ADGRG7: variants seen among roughly 807,000 people sequenced by gnomAD.
The protein encoded by ADGRG7 is adhesion G protein-coupled receptor G7.
In ADGRG7, 82 loss-of-function variants were observed where a neutral mutation model predicts 88.6. The ratio of observed to expected loss-of-function variants is 0.93; its 90% CI spans 0.77 to 1.11. The LOEUF (loss-of-function observed/expected upper bound fraction) is 1.11. Among genes scored for constraint, ADGRG7 ranks in the 50% most tolerant of loss-of-function variants. ADGRG7 has a pLI of 0.00. For missense variants in ADGRG7, 945 were observed against 953.4 expected, an observed-to-expected ratio of 0.99 and a Z score of 0.12; for synonymous variants, 381 against 345.2, an observed-to-expected ratio of 1.10 and a Z score of -1.15.
chr3:100,645,545 G>A (rs1707729074), intron 8 of ADGRG7, among the ~76,000 whole-genome samples: 2 of 152,278 alleles, frequency 1.3e-5, no homozygotes, highest in South Asian at 2.1e-4. Context: ...GCTATTTCCT[G>A]TCTCATATTT....
At chr3:100,675,525 C>T (rs540550950) in intron 15 of ADGRG7, among the ~76,000 whole-genome samples, 1 of 152,174 alleles carries the variant, frequency 6.6e-6, no homozygotes, top group African/African-American at 2.4e-5. Context: ...TTTGCATCAA[C>T]GTTCATCAGA....
At chr3:100,687,608 G>C (rs2094985055) in intron 15 of ADGRG7, among the ~76,000 whole-genome samples, 2 of 152,104 alleles carry the variant, frequency 1.3e-5, no homozygotes, top group South Asian at 4.1e-4. Context: ...TTTTGTCAAA[G>C]GCCTTTTCTG....
intron 5 of ADGRG7, 91 bp downstream of exon 5, chr3:100,635,917 T>A: frequency 1.1e-6 from 1 of 903,532 alleles, no homozygotes. Flanking sequence ...TACCACTCCT[T>A]ATTCCACAAT....
At chr3:100,690,677 A>T (rs2094991817) in intron 15 of ADGRG7, among the ~76,000 whole-genome samples, 3 of 152,166 alleles carry the variant, frequency 2.0e-5, no homozygotes, top group African/African-American at 4.8e-5. Context: ...TGGCTGCAGA[A>T]CAGTGGATAT....
chr3:100,684,143 G>A (rs2149041143), intron 15 of ADGRG7, among the ~76,000 whole-genome samples: 1 of 151,854 alleles, frequency 6.6e-6, no homozygotes, highest in South Asian at 2.1e-4. Flanking sequence ...ATTTATTTAT[G>A]CTAATTCTTT....
chr3:100,676,003 CTTAG>C (rs1331460736), intron 15 of ADGRG7, among the ~76,000 whole-genome samples: 1 of 151,476 alleles, frequency 6.6e-6, no homozygotes, highest in African/African-American at 2.4e-5. Context: ...CTCTTTTTTT[CTTAG>C]TTAATCTGAC....
chr3:100,678,913 C>G (rs892187672), intron 15 of ADGRG7, among the ~76,000 whole-genome samples: 5 of 152,198 alleles, frequency 3.3e-5, no homozygotes, highest in Non-Finnish European at 7.3e-5. Flanking sequence ...GAACTACAGC[C>G]AGAACAGCAC....
In ADGRG7 at chr3:100,640,845, T is replaced by C. The variant is rs545085559; in HGVS notation, c.699-2421T>C. 8.5e-5 allele frequency among the ~76,000 whole-genome samples: 13 copies of C among 152,268 alleles called. No homozygotes were observed. The South Asian group carries it at 2.7e-3, about 32-fold the overall frequency. On this transcript the variant is annotated intron_variant, in intron 6 of 15. Transcript: ENST00000273352. Reference sequence around the variant, plus strand: ...CTGACCTCACCATTGTAGACATTGCTTGCATAGTCTGATCTGTAACCTTAG... The same window carrying C: ...CTGACCTCACCATTGTAGACATTGCCTGCATAGTCTGATCTGTAACCTTAG...
chr3:100,656,037 A>C (rs781042402), intron 13 of ADGRG7, 42 bp downstream of exon 13: 2 of 1,224,566 alleles, frequency 1.6e-6, no homozygotes, highest in Non-Finnish European at 2.4e-6. Context: ...TTTGACCTAA[A>C]AGTGTAACTG....
At chr3:100,611,883 T>C (rs1023152472) in intron 1 of ADGRG7, among the ~76,000 whole-genome samples, 1 of 152,350 alleles carries the variant, frequency 6.6e-6, no homozygotes, top group Non-Finnish European at 1.5e-5. Flanking sequence ...ACTCCACTTC[T>C]TTTTATCCTA....
At chr3:100,691,309 T>C (rs1280447941) in intron 15 of ADGRG7, among the ~76,000 whole-genome samples, 1 of 152,174 alleles carries the variant, frequency 6.6e-6, no homozygotes. Flanking sequence ...CCCTTGTGCT[T>C]CCCGGGTGAG....
chr3:100,657,160 A>G (rs1395126866), intron 13 of ADGRG7, among the ~76,000 whole-genome samples: 2 of 152,184 alleles, frequency 1.3e-5, no homozygotes, highest in African/African-American at 4.8e-5. Context: ...GATACGAGGC[A>G]ACTGATAATA....
At chr3:100,689,323 C>T (rs1485855558) in intron 15 of ADGRG7, among the ~76,000 whole-genome samples, 3 of 152,142 alleles carry the variant, frequency 2.0e-5, no homozygotes, top group African/African-American at 7.2e-5. Context: ...GGTCTTGACT[C>T]TTTATCCAAT....
intron 14 of ADGRG7, among the ~76,000 whole-genome samples, chr3:100,663,134 G>A (rs1307735188): frequency 6.6e-6 from 1 of 152,046 alleles, no homozygotes; most frequent in African/African-American, 2.4e-5. Context: ...AAGAGAGTAG[G>A]GGAACTAAGG....
intron 6 of ADGRG7, among the ~76,000 whole-genome samples, chr3:100,638,435 C>T (rs780937108): frequency 1.4e-4 from 22 of 152,162 alleles, no homozygotes; most frequent in Non-Finnish European, 2.6e-4. Flanking sequence ...ACACCTCTTC[C>T]TGACATCCAG....
At chr3:100,692,708 T>C (rs2094995979) in intron 15 of ADGRG7, among the ~76,000 whole-genome samples, 2 of 152,116 alleles carry the variant, frequency 1.3e-5, no homozygotes, top group Non-Finnish European at 2.9e-5. Flanking sequence ...GTATGCAAAA[T>C]ATAAAATGGA....
chr3:100,659,936 A>G (rs1385219720), intron 14 of ADGRG7, 93 bp downstream of exon 14: 5 of 1,233,994 alleles, frequency 4.1e-6, no homozygotes, highest in Non-Finnish European at 5.7e-6. Flanking sequence ...GAAGCTTTCA[A>G]ACTGAGACAA....
intron 1 of ADGRG7, among the ~76,000 whole-genome samples, chr3:100,621,258 C>A (rs1339244963): frequency 6.6e-6 from 1 of 152,056 alleles, no homozygotes; most frequent in Non-Finnish European, 1.5e-5. Flanking sequence ...GCATGTCTCT[C>A]ACTTGGAATC....
chr3:100,675,550 G>GTTTCTTTC (rs533124308), intron 15 of ADGRG7, among the ~76,000 whole-genome samples: 1 of 152,060 alleles, frequency 6.6e-6, no homozygotes, highest in East Asian at 1.9e-4. Context: ...TTGGCCTGTA[G>GTTTCTTTC]TTTCTTTCTT....
Sources: gnomAD v4.1 joint callset for allele counts (sites outside exome capture counted in the v4.1 genomes callset) on GRCh38, gnomAD v4.1.1 for gene constraint, MANE v1.5 for transcripts, NCBI Gene and HGNC (gene_info 2026-07-23, HGNC 2026-07-21) for gene names.